The following SUGCT variants were observed in gnomAD, a reference collection of about 807,000 sequenced individuals.
The protein encoded by SUGCT is succinyl-CoA:glutarate CoA-transferase.
SUGCT carries 41 observed loss-of-function variants against 55.0 expected under a neutral mutation model. The observed-to-expected ratio is 0.74, with a 90% CI of 0.58 to 0.97. The LOEUF (loss-of-function observed/expected upper bound fraction) is 0.97, where lower values mean the gene tolerates loss of function less well. SUGCT is among the 50% of genes least tolerant of loss of function. The pLI is 0.00. For synonymous variants in SUGCT, 187 were observed against 200.4 expected (o/e 0.93, Z 0.56); for missense variants, 568 against 547.8 (o/e 1.04, Z -0.37).
chr7:40,249,333 A>ATC, intron 7 of SUGCT, among the ~76,000 whole-genome samples: 1 of 121,114 alleles, frequency 8.3e-6, no homozygotes, highest in Non-Finnish European at 1.7e-5. Flanking sequence ...ATATATATAT[A>ATC]TATATATATA....
intron 8 of SUGCT, among the ~76,000 whole-genome samples, chr7:40,285,491 T>TG (rs746210298): frequency 0.062 from 9,067 of 146,246 alleles, 507 homozygotes; most frequent in African/African-American, 0.15. Flanking sequence ...TTTTCTTTTT[T>TG]CGGGGGGGGG....
chr7:40,783,395 G>A (rs1238657632), intron 13 of SUGCT: 1 of 152,150 alleles, frequency 6.6e-6, no homozygotes, highest in East Asian at 1.9e-4. Context: ...GCCTATGTGT[G>A]TAGCATTCTT....
chr7:40,379,072 A>G (rs1784744277), intron 9 of SUGCT, among the ~76,000 whole-genome samples: 1 of 152,142 alleles, frequency 6.6e-6, no homozygotes, highest in African/African-American at 2.4e-5. Flanking sequence ...TGAGACACAG[A>G]GGTAAGGAGA....
At chr7:40,944,243 T>C in the SUGCT span, among the ~76,000 whole-genome samples, 1 of 151,966 alleles carries the variant, frequency 6.6e-6, no homozygotes, top group Non-Finnish European at 1.5e-5. Context: ...CTGTTCACTC[T>C]GATGGTAGTT....
intron 7 of SUGCT, among the ~76,000 whole-genome samples, chr7:40,239,542 A>G (rs1161872184): frequency 1.3e-5 from 2 of 152,248 alleles, no homozygotes; most frequent in African/African-American, 4.8e-5. Context: ...GAATATGTGA[A>G]AAGATCTGGG....
chr7:40,351,411 C>A (rs1285225361), intron 9 of SUGCT, among the ~76,000 whole-genome samples: 1 of 151,504 alleles, frequency 6.6e-6, no homozygotes, highest in Non-Finnish European at 1.5e-5. Flanking sequence ...TTTATTTTTT[C>A]TCTTTTTAAT....
chr7:41,037,080 T>A, the SUGCT span, among the ~76,000 whole-genome samples: 10 of 152,172 alleles, frequency 6.6e-5, no homozygotes, highest in African/African-American at 1.9e-4. Context: ...GATAGACAAA[T>A]CCTGTAACAC....
chr7:40,410,540 A>C (rs537417638), intron 9 of SUGCT, among the ~76,000 whole-genome samples: 2 of 152,220 alleles, frequency 1.3e-5, no homozygotes, highest in African/African-American at 4.8e-5. Context: ...TTTAGCAGCT[A>C]TTTTGGATAT....
chr7:40,196,795 C>T (rs1349899450), intron 6 of SUGCT, among the ~76,000 whole-genome samples: 1 of 152,000 alleles, frequency 6.6e-6, no homozygotes, highest in Non-Finnish European at 1.5e-5. Flanking sequence ...TTCCCAGTTC[C>T]ACCTGTAATG....
intron 11 of SUGCT, among the ~76,000 whole-genome samples, chr7:40,475,009 A>G (rs187168913): frequency 1.3e-5 from 2 of 152,288 alleles, no homozygotes; most frequent in African/African-American, 4.8e-5. Flanking sequence ...AACAGAGTTC[A>G]CTTAATGAAG....
intron 12 of SUGCT, among the ~76,000 whole-genome samples, chr7:40,637,524 A>G (rs551574857): frequency 6.6e-5 from 10 of 152,324 alleles, no homozygotes; most frequent in African/African-American, 2.4e-4. Flanking sequence ...TCTTTTTGAT[A>G]TTTGTTGTTA....
At chr7:41,023,843 GA>G in the SUGCT span, among the ~76,000 whole-genome samples, 198 of 152,104 alleles carry the variant, frequency 1.3e-3, no homozygotes, top group African/African-American at 4.7e-3. Context: ...AGTGATTGTT[GA>G]AAAAGCAATA....
At chr7:40,802,580 G>GC (rs1490984694) in intron 13 of SUGCT, among the ~76,000 whole-genome samples, 1 of 152,166 alleles carries the variant, frequency 6.6e-6, no homozygotes, top group Non-Finnish European at 1.5e-5. Context: ...CCTAGTGATT[G>GC]CAAGTAGTGA....
chr7:40,175,409 AGGGTTTCGC>A (rs1362559762), intron 1 of SUGCT, among the ~76,000 whole-genome samples: 1 of 152,070 alleles, frequency 6.6e-6, no homozygotes, highest in East Asian at 1.9e-4. Context: ...CAGTAGAGAC[AGGGTTTCGC>A]CATGCTGGCC....
intron 13 of SUGCT, among the ~76,000 whole-genome samples, chr7:40,796,274 A>G (rs1260976464): frequency 6.6e-6 from 1 of 152,188 alleles, no homozygotes; most frequent in East Asian, 1.9e-4. Context: ...TCATCAATCC[A>G]TGAAAACAAG....
chr7:40,824,974 C>A (rs1043605695), intron 13 of SUGCT, among the ~76,000 whole-genome samples: 1 of 152,112 alleles, frequency 6.6e-6, no homozygotes, highest in African/African-American at 2.4e-5. Context: ...CCAAGATAGT[C>A]ATGGAAAAAA....
chr7:40,896,639 G>C, the SUGCT span, among the ~76,000 whole-genome samples: 1 of 152,108 alleles, frequency 6.6e-6, no homozygotes, highest in Non-Finnish European at 1.5e-5. Flanking sequence ...GGTTGTATTT[G>C]CTTCCCCTTC....
chr7:40,899,039 C>T, the SUGCT span, among the ~76,000 whole-genome samples: 1,486 of 152,208 alleles, frequency 9.8e-3, 26 homozygotes, highest in African/African-American at 0.034. Flanking sequence ...CCTTCTTCCC[C>T]AACTGTGGCC....
At chr7:40,176,389 T>C (rs1357336096) in intron 1 of SUGCT, among the ~76,000 whole-genome samples, 1 of 152,136 alleles carries the variant, frequency 6.6e-6, no homozygotes, top group African/African-American at 2.4e-5. Flanking sequence ...TAGCAGGAGA[T>C]ACACAGAATG....
Sources: gnomAD v4.1 joint callset for allele counts (sites outside exome capture counted in the v4.1 genomes callset) on GRCh38, gnomAD v4.1.1 for gene constraint, MANE v1.5 for transcripts, NCBI Gene and HGNC (gene_info 2026-07-23, HGNC 2026-07-21) for gene names.